Variants in ANKRD33B observed in about 807,000 individuals in gnomAD.
ANKRD33B encodes the protein ankyrin repeat domain 33B.
In ANKRD33B, 6 loss-of-function variants were observed where a neutral mutation model predicts 21.5. The ratio of observed to expected loss-of-function variants is 0.28; its 90% confidence interval spans 0.15 to 0.55. ANKRD33B has a LOEUF of 0.55. ANKRD33B is among the 20% of genes least tolerant of loss of function. ANKRD33B has a pLI of 0.94. For missense variants in ANKRD33B, 698 were observed against 747.2 expected, an observed-to-expected ratio of 0.93 and a Z score of 0.77; for synonymous variants, 347 against 342.4, an observed-to-expected ratio of 1.01 and a Z score of -0.15.
intron 1 of ANKRD33B, among the ~76,000 whole-genome samples, chr5:10,595,012 G>A (rs1579723150): frequency 6.6e-6 from 1 of 152,186 alleles, no homozygotes; most frequent in Non-Finnish European, 1.5e-5. Context: ...TTTTCCTATG[G>A]CAAGTAACTC....
chr5:10,611,514 A>T (rs546476591), intron 1 of ANKRD33B, among the ~76,000 whole-genome samples: 1 of 152,038 alleles, frequency 6.6e-6, no homozygotes, highest in Non-Finnish European at 1.5e-5. Context: ...ATTCTTTATT[A>T]TGAGCTGGCT....
chr5:10,641,208 G>GTCTTCTTCTTCT (rs554853704), intron 3 of ANKRD33B, among the ~76,000 whole-genome samples: 100 of 122,070 alleles, frequency 8.2e-4, no homozygotes, highest in African/African-American at 2.0e-3. Flanking sequence ...GTTGTCCCCA[G>GTCTTCTTCTTCT]TCTTCTTCTT....
chr5:10,588,264 T>A (rs1735611422), intron 1 of ANKRD33B, among the ~76,000 whole-genome samples: 1 of 152,250 alleles, frequency 6.6e-6, no homozygotes, highest in South Asian at 2.1e-4. Context: ...GTACTTATAA[T>A]CTTTTTTCCT....
In ANKRD33B at chr5:10,618,440, C is replaced by T; in HGVS notation, c.474C>T (p.Ala158=). 1 of 1,536,460 alleles carries T rather than the reference C, an allele frequency of 6.5e-7. No individual in the cohort carries two copies. Among genetic ancestry groups the T allele is most frequent in the African/African-American group, 1.4e-5 (1 of 73,182 alleles). ...GGCAGGACAGCGAGGGGAACACAGC[C>T]CTAATCACAGCTGCACAGGCAGGTA... ...VNWQDSEGNT[A]LITAAQAGHA... The change falls in exon 2 of 4, where the codon GCC becomes GCT. Residue 158 remains alanine, a synonymous_variant. Coordinates refer to ENST00000296657, the MANE Select transcript of ANKRD33B (RefSeq NM_001164440.2).
chr5:10,612,203 G>T (rs976208575), intron 1 of ANKRD33B, among the ~76,000 whole-genome samples: 9 of 152,180 alleles, frequency 5.9e-5, no homozygotes, highest in African/African-American at 2.2e-4. Context: ...GTCTTAGTCC[G>T]TTTAGGCTGC....
intron 2 of ANKRD33B, among the ~76,000 whole-genome samples, chr5:10,633,507 C>G (rs190767240): frequency 5.9e-5 from 9 of 152,366 alleles, no homozygotes; most frequent in Non-Finnish European, 1.2e-4. Context: ...CTGGTTCCCT[C>G]TGTTGTTAAG....
rs34573711 is a variant in ANKRD33B, at chr5:10,654,667, C to G, written c.*4554C>G. The G allele has an allele frequency of 9.0e-3, 1,376 of 152,374 alleles. 9 individuals carry two copies. The highest frequency in any genetic ancestry group is 0.014 in the Middle Eastern group (4 of 294). The allele number at this position is 152,374 out of a possible 1,614,324, so 9.4% of individuals were successfully genotyped here. A position where few individuals can be genotyped will look rare whatever the true frequency, so the allele number is the denominator to read the frequency against. ...TCTGAGTTGCCTCTTCTGGATGGAA[C>G]GTGTGTATCAACAACAATGAAATGC... is the stretch of plus-strand genomic sequence containing the variant. On this transcript the variant is annotated 3_prime_UTR_variant, in exon 4 of 4. Coordinates refer to ENST00000296657, the MANE Select transcript of ANKRD33B (RefSeq NM_001164440.2).
At chr5:10,628,848 C>T (rs1736641157) in intron 2 of ANKRD33B, among the ~76,000 whole-genome samples, 1 of 151,892 alleles carries the variant, frequency 6.6e-6, no homozygotes, top group South Asian at 2.1e-4. Context: ...TCAAGGGGCA[C>T]CAGGGAAGAC....
intron 1 of ANKRD33B, among the ~76,000 whole-genome samples, chr5:10,575,422 C>CA (rs397780167): frequency 0.018 from 2,098 of 116,588 alleles, 61 homozygotes; most frequent in African/African-American, 0.05. Context: ...GAGACTGTCT[C>CA]AAAAAAAAAA....
intron 2 of ANKRD33B, among the ~76,000 whole-genome samples, chr5:10,621,096 C>G (rs529770683): frequency 5.9e-5 from 9 of 152,296 alleles, no homozygotes; most frequent in African/African-American, 2.2e-4. Context: ...TTATCCCAAA[C>G]CCAGCCAGTT....
chr5:10,631,006 C>T (rs1217807548), intron 2 of ANKRD33B, among the ~76,000 whole-genome samples: 1 of 152,240 alleles, frequency 6.6e-6, no homozygotes, highest in Non-Finnish European at 1.5e-5. Flanking sequence ...GTGACTCTCC[C>T]TGGAACAGGG....
chr5:10,567,273 A>G (rs1275591667), intron 1 of ANKRD33B, among the ~76,000 whole-genome samples: 6 of 152,166 alleles, frequency 3.9e-5, no homozygotes, highest in Non-Finnish European at 5.9e-5. Context: ...AAAACAGCTG[A>G]AAGAATCAAG....
intron 1 of ANKRD33B, among the ~76,000 whole-genome samples, chr5:10,598,014 T>G (rs1321591719): frequency 3.3e-5 from 5 of 152,204 alleles, no homozygotes; most frequent in African/African-American, 4.8e-5. Context: ...ACTTTGATCC[T>G]TCTGAGGGGT....
In ANKRD33B at chr5:10,619,884, G is replaced by GTT. The variant is rs1180727392; in HGVS notation, c.496+1423_496+1424insTT. On this transcript the variant is annotated intron_variant, in intron 2 of 3. Coordinates refer to ENST00000296657, the MANE Select transcript of ANKRD33B (RefSeq NM_001164440.2). The surrounding 1 kb of genome is among the most constrained non-coding windows in gnomAD (Gnocchi z 4.5). ...AGCACCATCTGTCTGCCGGAGCTTG[G>GTT]TGCTGTGGGATGAGAACACTCTATC... Among the ~76,000 whole-genome samples the GTT allele has an allele frequency of 6.6e-6, 1 of 152,190 alleles. No homozygotes were observed. The highest frequency in any genetic ancestry group is 2.4e-5 in the African/African-American group (1 of 41,448).
intron 2 of ANKRD33B, among the ~76,000 whole-genome samples, chr5:10,626,955 G>T (rs1430501013): frequency 1.3e-5 from 2 of 152,212 alleles, no homozygotes; most frequent in African/African-American, 4.8e-5. Flanking sequence ...ATGGCAACTG[G>T]GTTGGTTGTC....
At chr5:10,637,611 G>A (rs1469849548) in intron 2 of ANKRD33B, among the ~76,000 whole-genome samples, 1 of 152,062 alleles carries the variant, frequency 6.6e-6, no homozygotes, top group South Asian at 2.1e-4. Context: ...ACTTGGAAGC[G>A]GTTCTGAAGC....
intron 3 of ANKRD33B, 39 bp from the exon 4 acceptor site, chr5:10,649,227 T>C: frequency 6.7e-7 from 1 of 1,488,088 alleles, no homozygotes; most frequent in Non-Finnish European, 8.9e-7. Context: ...GAGTCCTTGT[T>C]GCCGCCACCC....
chr5:10,574,274 A>C (rs1232498521), intron 1 of ANKRD33B, among the ~76,000 whole-genome samples: 1 of 152,252 alleles, frequency 6.6e-6, no homozygotes, highest in Non-Finnish European at 1.5e-5. Flanking sequence ...AATTATCTTG[A>C]CTTAATTTGG....
rs1037135647 is a variant in ANKRD33B at position 10,609,173 on chromosome 5, A to G, written c.367-9160A>G. On this transcript the variant is annotated intron_variant, in intron 1 of 3. Coordinates refer to ENST00000296657, the MANE Select transcript of ANKRD33B (RefSeq NM_001164440.2). ...AATTTTTCTATTGATTACATTTTGA[A>G]ATGGTAATATTTTGGATATGTTGAG... 2.0e-5 allele frequency among the ~76,000 whole-genome samples: 3 copies of G among 152,254 alleles called. No individual in the cohort carries two copies. The South Asian group carries it at 6.2e-4, about 31-fold the overall frequency.
Sources: allele counts gnomAD v4.1 joint callset (sites outside exome capture counted in the v4.1 genomes callset), GRCh38; gene constraint gnomAD v4.1.1; non-coding constraint Gnocchi (gnomAD v3.1); transcripts MANE v1.5; gene names NCBI Gene and HGNC (gene_info 2026-07-23, HGNC 2026-07-21).